Variants in EVI5 observed in about 807,000 individuals in gnomAD.
EVI5 encodes the protein ecotropic viral integration site 5 protein homolog.
EVI5 carries 73 observed loss-of-function variants against 112.0 expected under a neutral mutation model. That is an observed-to-expected ratio of 0.65 (90% confidence interval 0.54 to 0.79). The LOEUF is 0.79. EVI5 is among the 30% of genes least tolerant of loss of function. EVI5 has a pLI of 0.00. For synonymous variants in EVI5, 305 were observed against 319.9 expected (o/e 0.95, Z 0.50); for missense variants, 900 against 968.8 (o/e 0.93, Z 0.94).
chr1:92,736,667 C>T (rs199622438), intron 1 of EVI5, 40 bp from the exon 2 acceptor site: 27 of 1,247,678 alleles, frequency 2.2e-5, no homozygotes, highest in South Asian at 1.2e-5. Context: ...TTTAGTTACA[C>T]TGTATTCATT....
intron 19 of EVI5, among the ~76,000 whole-genome samples, chr1:92,535,936 A>G (rs1663818350): frequency 1.3e-5 from 2 of 152,098 alleles, no homozygotes; most frequent in South Asian, 4.1e-4. Context: ...CCTAGGTACT[A>G]ATTATTTATC....
chr1:92,607,374 T>C, intron 17 of EVI5: 1 of 416,480 alleles, frequency 2.4e-6, no homozygotes. Flanking sequence ...AGGAAGTGAC[T>C]GAAAATGTTT....
chr1:92,720,011 C>G (rs758428392), intron 2 of EVI5, among the ~76,000 whole-genome samples: 1 of 151,920 alleles, frequency 6.6e-6, no homozygotes, highest in Admixed American at 6.6e-5. Context: ...AACCACTGCT[C>G]AACAAAATAA....
intron 1 of EVI5, among the ~76,000 whole-genome samples, chr1:92,766,471 C>T (rs11164805): frequency 0.92 from 139,862 of 152,158 alleles, 64,360 homozygotes; most frequent in East Asian, 0.97. Flanking sequence ...TTTCAGTATA[C>T]ACAATATATC....
At chr1:92,577,024 A>C (rs1285909509) in intron 18 of EVI5, among the ~76,000 whole-genome samples, 2 of 152,208 alleles carry the variant, frequency 1.3e-5, no homozygotes, top group African/African-American at 4.8e-5. Context: ...ACATGAAAAA[A>C]ACCTTGTAAG....
At chr1:92,758,426 G>A (rs1253748006) in intron 1 of EVI5, among the ~76,000 whole-genome samples, 1 of 151,860 alleles carries the variant, frequency 6.6e-6, no homozygotes. Flanking sequence ...AAAATTAGCC[G>A]GGCATAGTGG....
chr1:92,717,758 TAA>T (rs1201968649), intron 2 of EVI5, among the ~76,000 whole-genome samples: 1 of 149,896 alleles, frequency 6.7e-6, no homozygotes, highest in Admixed American at 6.6e-5. Flanking sequence ...GCAAATTAGA[TAA>T]AGAGTCAAGA....
chr1:92,785,758 A>G (rs2103136531), upstream of EVI5, among the ~76,000 whole-genome samples: 1 of 152,298 alleles, frequency 6.6e-6, no homozygotes. Flanking sequence ...AAAAGTAAAA[A>G]GGCAATACAG....
chr1:92,635,826 A>C (rs961430490), intron 14 of EVI5, among the ~76,000 whole-genome samples: 2 of 152,186 alleles, frequency 1.3e-5, no homozygotes, highest in Admixed American at 1.3e-4. Context: ...CGAAATGTCT[A>C]TGTATTAGTC....
At chr1:92,681,771 T>C (rs1170538977) in intron 9 of EVI5, among the ~76,000 whole-genome samples, 2 of 152,156 alleles carry the variant, frequency 1.3e-5, no homozygotes, top group African/African-American at 4.8e-5. Flanking sequence ...AGAGTAGCCA[T>C]TAGCCACATG....
At position 92,640,036 on chromosome 1, in the gene EVI5, G is replaced by T. The variant is rs182210824; in HGVS notation, c.1393-3700C>A. On this transcript the variant is annotated intron_variant, in intron 13 of 19. Coordinates refer to ENST00000684568, the MANE Select transcript of EVI5 (RefSeq NM_001350197.2). Reference sequence around the variant, plus strand: ...GAAAGGATCTCCTATTCAATAAATGGTGCTTGGAAAACTGGCTAGCCATAT... The same window carrying T: ...GAAAGGATCTCCTATTCAATAAATGTTGCTTGGAAAACTGGCTAGCCATAT... 2.5e-3 allele frequency among the ~76,000 whole-genome samples: 387 copies of T among 152,274 alleles called. 1 individual carries two copies. The highest frequency in any genetic ancestry group is 9.1e-3 in the African/African-American group (377 of 41,546).
Position 92,736,519 on chromosome 1 carries a change from T to TAG in EVI5, c.26_27dup (p.Thr10LeufsTer26). On this transcript the variant is annotated frameshift_variant, in exon 2 of 20. Transcript: ENST00000684568. LOFTEE classifies it high-confidence loss of function. ...GATGAGGATGTGGTATGTAATGAAG[T>TAG]AGATGGACTTGCCACCTGACTGGCC... The TAG allele has an allele frequency of 6.2e-7, 1 of 1,613,728 alleles. No homozygotes were observed. Among genetic ancestry groups the TAG allele is most frequent in the Non-Finnish European group, 8.5e-7 (1 of 1,179,662 alleles).
At chr1:92,672,813 A>C (rs1352708925) in intron 10 of EVI5, among the ~76,000 whole-genome samples, 1 of 152,188 alleles carries the variant, frequency 6.6e-6, no homozygotes, top group Non-Finnish European at 1.5e-5. Context: ...GAAAAGTTTG[A>C]TATGCCAGAG....
intron 1 of EVI5, among the ~76,000 whole-genome samples, chr1:92,774,251 G>A (rs1270117805): frequency 6.6e-6 from 1 of 151,996 alleles, no homozygotes; most frequent in African/African-American, 2.4e-5. Flanking sequence ...AAACTATCCT[G>A]ATTTCTGGTA....
chr1:92,536,780 G>C (rs931260415), intron 19 of EVI5, among the ~76,000 whole-genome samples: 5 of 152,122 alleles, frequency 3.3e-5, no homozygotes, highest in Admixed American at 6.6e-5. Context: ...TGTGTGGCTA[G>C]AGGAGACAAT....
At chr1:92,551,121 C>T (rs1666871991) in intron 19 of EVI5, among the ~76,000 whole-genome samples, 1 of 140,648 alleles carries the variant, frequency 7.1e-6, no homozygotes, top group African/African-American at 2.7e-5. Context: ...TGGCTCACTG[C>T]AACCTCAACC....
chr1:92,673,539 C>T (rs940264881), intron 10 of EVI5, among the ~76,000 whole-genome samples: 21 of 151,894 alleles, frequency 1.4e-4, no homozygotes, highest in African/African-American at 5.1e-4. Context: ...GCTATGTTGT[C>T]CAGGCTGGTC....
intron 11 of EVI5, among the ~76,000 whole-genome samples, chr1:92,664,084 T>C (rs1664480495): frequency 6.6e-6 from 1 of 152,192 alleles, no homozygotes; most frequent in African/African-American, 2.4e-5. Flanking sequence ...TATTTACATC[T>C]TTTAGACTTA....
intron 16 of EVI5, among the ~76,000 whole-genome samples, chr1:92,615,149 C>T (rs1652832086): frequency 6.6e-6 from 1 of 152,052 alleles, no homozygotes; most frequent in South Asian, 2.1e-4. Flanking sequence ...ATGCATTTGA[C>T]ACTCCTGATT....
Sources: allele counts gnomAD v4.1 joint callset (sites outside exome capture counted in the v4.1 genomes callset), GRCh38; gene constraint gnomAD v4.1.1; transcripts MANE v1.5; gene names NCBI Gene and HGNC (gene_info 2026-07-23, HGNC 2026-07-21).